Variants in MGLL observed in about 807,000 individuals in gnomAD.
The protein encoded by MGLL is lysophospholipase homolog.
Under a neutral mutation model 29.1 loss-of-function variants are expected in MGLL, and 7 were observed. That is an observed-to-expected ratio of 0.24 (90% CI 0.14 to 0.45). The LOEUF (loss-of-function observed/expected upper bound fraction) is 0.45. MGLL is among the 20% of genes least tolerant of loss of function. The pLI is 0.99. For missense variants in MGLL, 356 were observed against 413.6 expected (o/e 0.86, Z 1.21); for synonymous variants, 148 against 168.3 (o/e 0.88, Z 0.93).
rs142204931 is a variant in MGLL, at chr3:127,790,776, C to T, written c.156-8881G>A. On this transcript the variant is annotated intron_variant, in intron 2 of 7. Coordinates refer to ENST00000265052, the MANE Select transcript of MGLL (RefSeq NM_007283.7). ...CCCGCAGCCTCTTGCCTCCCCCACA[C>T]CAGAATGCCTGGATTTCTAGCTCAG... Among the ~76,000 whole-genome samples, 913 of 152,196 alleles carry T rather than the reference C, an allele frequency of 6.0e-3. 12 individuals carry two copies. The highest frequency in any genetic ancestry group is 0.021 in the African/African-American group (861 of 41,528).
chr3:127,751,541 C>A (rs558367545), intron 3 of MGLL, among the ~76,000 whole-genome samples: 2 of 152,006 alleles, frequency 1.3e-5, no homozygotes, highest in African/African-American at 4.8e-5. Context: ...AGCTGCCATG[C>A]GACCTGCAGC....
chr3:127,822,150 G>A (rs770469171), intron 1 of MGLL, 159 bp downstream of exon 1: 16 of 799,870 alleles, frequency 2.0e-5, no homozygotes, highest in Non-Finnish European at 3.3e-5. Context: ...CTGTAATCAA[G>A]TGGAAATTAT....
intron 3 of MGLL, among the ~76,000 whole-genome samples, chr3:127,748,321 G>T (rs1418970818): frequency 6.6e-6 from 1 of 151,582 alleles, no homozygotes; most frequent in Non-Finnish European, 1.5e-5. Context: ...TGTTGACATT[G>T]TTCCATCCTT....
intron 3 of MGLL, chr3:127,735,819 CATCCTTCCAGGGG>C (rs1309380870): frequency 1.9e-6 from 3 of 1,598,242 alleles, no homozygotes; most frequent in Middle Eastern, 3.3e-4. Flanking sequence ...TTGGTGCTCG[CATCCTTCCAGGGG>C]AAGATCCTTC....
intron 3 of MGLL, among the ~76,000 whole-genome samples, chr3:127,740,843 AC>A (rs2076327724): frequency 6.6e-6 from 1 of 152,196 alleles, no homozygotes; most frequent in Admixed American, 6.5e-5. Context: ...CTGTTTTCAT[AC>A]AAGAACACAG....
intron 2 of MGLL, among the ~76,000 whole-genome samples, chr3:127,807,512 A>G (rs1400668524): frequency 1.3e-5 from 2 of 151,710 alleles, no homozygotes; most frequent in African/African-American, 2.4e-5. Flanking sequence ...TGCTTGCTTT[A>G]GGCTTAACTT....
chr3:127,780,962 A>G (rs1334131063), intron 3 of MGLL, among the ~76,000 whole-genome samples: 1 of 152,226 alleles, frequency 6.6e-6, no homozygotes, highest in Non-Finnish European at 1.5e-5. Context: ...AGCCATAGAG[A>G]ATGTTGCAAA....
intron 3 of MGLL, among the ~76,000 whole-genome samples, chr3:127,772,365 A>G (rs2076964276): frequency 6.6e-6 from 1 of 152,154 alleles, no homozygotes; most frequent in African/African-American, 2.4e-5. Flanking sequence ...CATTTTACAG[A>G]TGAGGAGTGT....
Position 127,781,798 on chromosome 3 carries a change from G to T in MGLL, c.253C>A (p.His85Asn). ...LMGLDLLVFA[H>N]DHVGHGQSEG... ...ACCCTGGGACACTCACCATGGTCGT[G>T]GGCGAACACCAGCAGGTCCAGCCCC... is the stretch of plus-strand genomic sequence containing the variant. The change falls in exon 3 of 8, where the codon CAC (histidine) becomes AAC (asparagine). Residue 85 changes from histidine to asparagine, a missense_variant. Transcript: ENST00000265052. 1 of 1,614,100 alleles carries T rather than the reference G, an allele frequency of 6.2e-7. No homozygotes were observed. Among genetic ancestry groups the T allele is most frequent in the Admixed American group, 1.7e-5 (1 of 60,030 alleles).
Position 127,822,416 on chromosome 3 carries a change from G to A in MGLL, c.-98C>T. Reference sequence around the variant, plus strand: ...TCATCTGGGCGGCCCCAAGGCAGCAGGAAGGCAGCTCCGAGCCCTCTTCCC... The same window carrying A: ...TCATCTGGGCGGCCCCAAGGCAGCAAGAAGGCAGCTCCGAGCCCTCTTCCC... On this transcript the variant is annotated 5_prime_UTR_variant, in exon 1 of 8. Transcript: ENST00000265052. 1 of 1,314,008 alleles carries A rather than the reference G, an allele frequency of 7.6e-7. No individual in the cohort carries two copies. The highest frequency in any genetic ancestry group is 1.5e-5 in the African/African-American group (1 of 68,454). The allele number at this position is 1,314,008 out of a possible 1,614,324, so 81.4% of individuals were successfully genotyped here.
intron 7 of MGLL, among the ~76,000 whole-genome samples, chr3:127,693,854 A>G (rs1047840843): frequency 6.6e-5 from 10 of 152,246 alleles, no homozygotes; most frequent in African/African-American, 2.4e-4. Context: ...ATAGCTGGGT[A>G]AATGAATGAA....
chr3:127,820,738 G>A (rs575886413), intron 2 of MGLL, among the ~76,000 whole-genome samples: 4 of 152,312 alleles, frequency 2.6e-5, no homozygotes, highest in South Asian at 2.1e-4. Flanking sequence ...TTCTCAGCAC[G>A]TTACCCACTT....
At chr3:127,728,468 T>C (rs530506006) in intron 3 of MGLL, among the ~76,000 whole-genome samples, 1 of 152,314 alleles carries the variant, frequency 6.6e-6, no homozygotes, top group South Asian at 2.1e-4. Context: ...AACAGTCTTG[T>C]CTATTTCTGG....
chr3:127,736,044 A>G, intron 3 of MGLL: 3 of 1,367,322 alleles, frequency 2.2e-6, no homozygotes, highest in South Asian at 3.8e-5. Context: ...TCCCTTGAAA[A>G]CATTCAGTTA....
At chr3:127,787,240 C>T (rs1051608788) in intron 2 of MGLL, among the ~76,000 whole-genome samples, 1 of 152,244 alleles carries the variant, frequency 6.6e-6, no homozygotes, top group African/African-American at 2.4e-5. Context: ...AAGGCAGAGA[C>T]CAGAGCTGAG....
intron 3 of MGLL, among the ~76,000 whole-genome samples, chr3:127,777,752 C>A (rs1034832304): frequency 7.1e-6 from 1 of 141,760 alleles, no homozygotes; most frequent in Non-Finnish European, 1.6e-5. Flanking sequence ...CTAACACATG[C>A]GCAATGAGAA....
chr3:127,721,525 T>TTTG (rs2075924681), intron 4 of MGLL, among the ~76,000 whole-genome samples: 4 of 150,840 alleles, frequency 2.7e-5, no homozygotes, highest in Non-Finnish European at 5.9e-5. Flanking sequence ...TTTTTTTTTT[T>TTTG]TTTTTGGTGG....
Position 127,822,504 on chromosome 3 carries a change from G to T in MGLL, c.-186C>A, listed in dbSNP as rs958097969. ...CGGGAGCCTGCTTCCAGCTCCCACC[G>T]GCAGGCTCTCCGGGGCTCCCCTCCC... On this transcript the variant is annotated 5_prime_UTR_variant, in exon 1 of 8. Coordinates refer to ENST00000265052, the MANE Select transcript of MGLL (RefSeq NM_007283.7). The T allele has an allele frequency of 2.5e-5, 16 of 636,850 alleles. No homozygotes were observed. The highest frequency in any genetic ancestry group is 3.9e-5 in the Non-Finnish European group (14 of 358,072). 39.4% of individuals were successfully genotyped at this position (636,850 alleles called of 1,614,324 possible).
chr3:127,721,699 G>T (rs1290093267), intron 4 of MGLL, among the ~76,000 whole-genome samples: 2 of 152,176 alleles, frequency 1.3e-5, no homozygotes, highest in Non-Finnish European at 2.9e-5. Context: ...TAAAAGCAAG[G>T]GTTGCAACCG....
Sources: gnomAD v4.1 joint callset for allele counts (sites outside exome capture counted in the v4.1 genomes callset) on GRCh38, gnomAD v4.1.1 for gene constraint, MANE v1.5 for transcripts, NCBI Gene and HGNC (gene_info 2026-07-23, HGNC 2026-07-21) for gene names.